The following PNPLA7 variants were observed in gnomAD, a reference collection of about 807,000 sequenced individuals.
PNPLA7 encodes the protein patatin-like phospholipase domain-containing protein 7.
A neutral mutation model predicts 161.7 loss-of-function variants in PNPLA7; 153 were observed. The ratio of observed to expected loss-of-function variants is 0.95; its 90% CI spans 0.83 to 1.08. The LOEUF (loss-of-function observed/expected upper bound fraction) is 1.08, where lower values mean the gene tolerates loss of function less well. PNPLA7 is among the 50% of genes least tolerant of loss of function. The pLI is 0.00. For synonymous variants in PNPLA7, 809 were observed against 782.1 expected, an observed-to-expected ratio of 1.03 and a Z score of -0.57; for missense variants, 1,739 against 1,856.6, an observed-to-expected ratio of 0.94 and a Z score of 1.16.
chr9:137,516,420 G>A, intron 11 of PNPLA7: 1 of 985,084 alleles, frequency 1.0e-6, no homozygotes, highest in South Asian at 4.7e-5. Context: ...CCTGGTCTCT[G>A]CCAAGACCTC....
intron 26 of PNPLA7, among the ~76,000 whole-genome samples, chr9:137,465,224 G>A (rs1171740717): frequency 1.3e-5 from 2 of 152,178 alleles, no homozygotes; most frequent in African/African-American, 2.4e-5. Context: ...CTTCCCTGAG[G>A]AAGCCCCTGC....
intron 4 of PNPLA7, among the ~76,000 whole-genome samples, chr9:137,546,058 A>G (rs1836504699): frequency 2.6e-5 from 4 of 152,288 alleles, no homozygotes; most frequent in South Asian, 2.1e-4. Context: ...GCTGTGCTTC[A>G]GTGGTCACGC....
intron 12 of PNPLA7, chr9:137,509,467 ATGAGTTTAGCTGGTACGAG>A: frequency 4.8e-6 from 1 of 207,994 alleles, no homozygotes; most frequent in Non-Finnish European, 1.0e-5. Context: ...GCTGGTACGA[ATGAGTTTAGCTGGTACGAG>A]TGAGTTTAGC....
chr9:137,496,051 C>G (rs1474624454), intron 18 of PNPLA7, among the ~76,000 whole-genome samples: 1 of 152,036 alleles, frequency 6.6e-6, no homozygotes. Flanking sequence ...ACCTCAGAGG[C>G]TGCCTGAAGG....
chr9:137,495,177 G>C (rs375645880), intron 18 of PNPLA7, 31 bp from the exon 19 acceptor site: 7 of 1,516,964 alleles, frequency 4.6e-6, no homozygotes, highest in Non-Finnish European at 6.3e-6. Context: ...CTGGGGCCGC[G>C]GGCTTGGGAG....
At chr9:137,469,464 TAAATC>T (rs1413131071) in intron 25 of PNPLA7, among the ~76,000 whole-genome samples, 10 of 152,030 alleles carry the variant, frequency 6.6e-5, no homozygotes, top group Non-Finnish European at 1.0e-4. Context: ...AATCCTAACA[TAAATC>T]AAAAGAAAAC....
In PNPLA7 at chr9:137,505,650, A is replaced by G. The variant is rs1210572027; in HGVS notation, c.1437T>C (p.Ala479=). 1.2e-6 allele frequency: 2 copies of G among 1,614,106 alleles called. No individual in the cohort carries two copies. The highest frequency in any genetic ancestry group is 1.7e-6 in the Non-Finnish European group (2 of 1,180,030). ...ASRKSDAIFR[A]AKKDLLTLMK... ...TCAGGGTGAGCAGGTCCTTCTTGGC[A>G]GCTCTGAAGATGGCATCCGACTTCC... The change falls in exon 14 of 35, where the codon GCT becomes GCC. Residue 479 remains alanine, a synonymous_variant. Transcript: ENST00000406427.
intron 14 of PNPLA7, among the ~76,000 whole-genome samples, chr9:137,502,840 T>C (rs930916700): frequency 2.1e-5 from 3 of 143,068 alleles, no homozygotes; most frequent in African/African-American, 5.3e-5. Flanking sequence ...AGGATTACTG[T>C]TAAGTATTCA....
intron 23 of PNPLA7, chr9:137,479,893 A>G (rs1279799740): frequency 1.4e-5 from 14 of 985,270 alleles, no homozygotes; most frequent in Non-Finnish European, 1.7e-5. Flanking sequence ...GGCAGAGGGT[A>G]AGGCATTCAC....
intron 4 of PNPLA7, among the ~76,000 whole-genome samples, chr9:137,544,769 C>A (rs1400202888): frequency 6.6e-6 from 1 of 152,088 alleles, no homozygotes; most frequent in Non-Finnish European, 1.5e-5. Context: ...CCTGCCTCAG[C>A]CTCCCGAGTA....
intron 21 of PNPLA7, among the ~76,000 whole-genome samples, chr9:137,484,325 C>T (rs901215601): frequency 2.6e-5 from 4 of 152,236 alleles, no homozygotes; most frequent in Non-Finnish European, 5.9e-5. Context: ...TCCCTATCAT[C>T]ACATGAAAAC....
chr9:137,543,197 T>G lies in PNPLA7; in HGVS notation c.506+235A>C, dbSNP rs1307578666. Among the ~76,000 whole-genome samples, 4 of 152,168 alleles carry G rather than the reference T, an allele frequency of 2.6e-5. No homozygotes were observed. Among genetic ancestry groups the G allele is most frequent in the South Asian group, 4.1e-4 (2 of 4,820 alleles). ...CACCACACCCTTCTTGCTCTTGCCC[T>G]GGGTTCACCGCTGAAGATGAAACAC... is the stretch of plus-strand genomic sequence containing the variant. On this transcript the variant is annotated intron_variant, in intron 6 of 34. Transcript: ENST00000406427. This position sits in a 1 kb window ranked among gnomAD's most constrained non-coding sequence, Gnocchi z 6.9.
At chr9:137,477,938 C>A (rs1832017003) in intron 25 of PNPLA7, 96 bp downstream of exon 25, 1 of 1,029,666 alleles carries the variant, frequency 9.7e-7, no homozygotes, top group Middle Eastern at 3.2e-4. Flanking sequence ...GCGGGTGACA[C>A]CCCCTGTCCC....
rs1005907442 is a variant in PNPLA7, at chr9:137,500,247, C to A, written c.1757+444G>T. Among the ~76,000 whole-genome samples, 1 of 152,254 alleles carries A rather than the reference C, an allele frequency of 6.6e-6. No individual in the cohort carries two copies. Among genetic ancestry groups the A allele is most frequent in the Non-Finnish European group, 1.5e-5 (1 of 68,052 alleles). ...CCCCGAGCCAGAGACGCGTCCTCAC[C>A]CACTGCCTTGCCCTTCCACCTCCGC... On this transcript the variant is annotated intron_variant, in intron 16 of 34. Transcript: ENST00000406427. This position sits in a 1 kb window ranked among gnomAD's most constrained non-coding sequence, Gnocchi z 5.5.
chr9:137,473,996 T>C (rs1198427158), intron 25 of PNPLA7, among the ~76,000 whole-genome samples: 1 of 152,162 alleles, frequency 6.6e-6, no homozygotes, highest in African/African-American at 2.4e-5. Flanking sequence ...CCCGGCACTT[T>C]GTGAGGCCGA....
intron 8 of PNPLA7, among the ~76,000 whole-genome samples, chr9:137,527,339 T>C (rs1350390349): frequency 6.6e-6 from 1 of 151,660 alleles, no homozygotes; most frequent in Non-Finnish European, 1.5e-5. Context: ...TTGTTCGCAA[T>C]CTTCAAGGGA....
At chr9:137,503,900 A>C (rs552488785) in intron 14 of PNPLA7, among the ~76,000 whole-genome samples, 133 of 148,618 alleles carry the variant, frequency 8.9e-4, no homozygotes, top group African/African-American at 2.8e-3. Flanking sequence ...AAGAAGAAGA[A>C]GGAAGAAGAA....
chr9:137,547,260 C>T lies in PNPLA7; in HGVS notation c.193+49G>A, dbSNP rs1335660659. ...GGCTCAAAACACATCCCAAGACACC[C>T]ACGCTTTCCCCCAACCCCCCGGGCC... On this transcript the variant is annotated intron_variant, in intron 3 of 34. Coordinates refer to ENST00000406427, the MANE Select transcript of PNPLA7 (RefSeq NM_001098537.3). This position sits in a 1 kb window ranked among gnomAD's most constrained non-coding sequence, Gnocchi z 4.6. The T allele has an allele frequency of 1.9e-6, 3 of 1,564,696 alleles. No homozygotes were observed. The highest frequency in any genetic ancestry group is 2.6e-6 in the Non-Finnish European group (3 of 1,136,448).
At position 137,543,624 on chromosome 9, in the gene PNPLA7, C is replaced by CACAG. The variant is rs1348624819; in HGVS notation, c.366-56_366-53dup. 6.2e-7 allele frequency: 1 copy of CACAG among 1,607,192 alleles called. No homozygotes were observed. Among genetic ancestry groups the CACAG allele is most frequent in the Admixed American group, 1.7e-5 (1 of 59,670 alleles). ...GAGCAGACCAGGCGGGTTCGAAACCCACAGCATCAGTGGCTGACACACCAG... is the reference window on the plus strand; with the variant it reads ...GAGCAGACCAGGCGGGTTCGAAACCCACAGACAGCATCAGTGGCTGACACACCAG... On this transcript the variant is annotated intron_variant, in intron 5 of 34. Transcript: ENST00000406427. This position sits in a 1 kb window ranked among gnomAD's most constrained non-coding sequence, Gnocchi z 6.9.
Sources: gnomAD v4.1 joint callset for allele counts (sites outside exome capture counted in the v4.1 genomes callset) on GRCh38, gnomAD v4.1.1 for gene constraint, Gnocchi (gnomAD v3.1) non-coding constraint, MANE v1.5 for transcripts, NCBI Gene and HGNC (gene_info 2026-07-23, HGNC 2026-07-21) for gene names.